KCNIP1: variants seen among roughly 807,000 people sequenced by gnomAD.
KCNIP1 encodes A-type potassium channel modulatory protein KCNIP1.
KCNIP1 carries 18 observed loss-of-function variants against 33.0 expected under a neutral mutation model. The ratio of observed to expected loss-of-function variants is 0.55; its 90% CI spans 0.38 to 0.81. The LOEUF (loss-of-function observed/expected upper bound fraction) is 0.81, where lower values mean the gene tolerates loss of function less well. Among genes scored for constraint, KCNIP1 ranks in the 30% least tolerant of loss-of-function variants. The probability of loss-of-function intolerance (pLI) is 0.00; values close to 1 mark genes in which losing one functional copy is unlikely to be tolerated. For missense variants in KCNIP1, 238 were observed against 271.6 expected, an observed-to-expected ratio of 0.88 and a Z score of 0.87; for synonymous variants, 93 against 98.3, an observed-to-expected ratio of 0.95 and a Z score of 0.32.
chr5:170,543,612 C>T lies in KCNIP1; in HGVS notation c.61+38979C>T, dbSNP rs1318977431. Among the ~76,000 whole-genome samples the T allele has an allele frequency of 4.6e-5, 7 of 152,290 alleles. No homozygotes were observed. The Middle Eastern group carries it at 0.014, about 296-fold the overall frequency. The stretch of plus-strand genomic sequence containing the variant: ...TCACAGCACAATAAATAAAGAGGGT[C>T]ATTTGGGGCAAATATTTCCAAGCTT... On this transcript the variant is annotated intron_variant, in intron 1 of 7. Transcript: ENST00000328939.
intron 1 of KCNIP1, among the ~76,000 whole-genome samples, chr5:170,645,770 T>C (rs1233853294): frequency 6.6e-6 from 1 of 152,152 alleles, no homozygotes; most frequent in Non-Finnish European, 1.5e-5. Flanking sequence ...ATACAATGTC[T>C]GCTCTCAAAG....
At chr5:170,371,077 T>C (rs1219874290) in intron 1 of KCNIP1, among the ~76,000 whole-genome samples, 1 of 151,986 alleles carries the variant, frequency 6.6e-6, no homozygotes, top group Non-Finnish European at 1.5e-5. Flanking sequence ...GGCGGGTGCA[T>C]TTGCTGAGAA....
At chr5:170,424,402 G>A (rs1467130262) in intron 1 of KCNIP1, among the ~76,000 whole-genome samples, 1 of 152,290 alleles carries the variant, frequency 6.6e-6, no homozygotes, top group African/African-American at 2.4e-5. Context: ...AATACAGCCT[G>A]TATGTGAACT....
intron 1 of KCNIP1, among the ~76,000 whole-genome samples, chr5:170,418,421 T>C (rs1447316434): frequency 6.6e-6 from 1 of 152,160 alleles, no homozygotes; most frequent in Non-Finnish European, 1.5e-5. Context: ...AAAGTGAGAC[T>C]CTGTCTCAAA....
In KCNIP1 at chr5:170,517,602, GTGA is replaced by G. The variant is rs772620521; in HGVS notation, c.61+12980_61+12982del. Among the ~76,000 whole-genome samples the G allele has an allele frequency of 8.0e-3, 1,162 of 145,214 alleles. 10 individuals are homozygous for G. The highest frequency in any genetic ancestry group is 0.027 in the African/African-American group (1,058 of 39,856). On this transcript the variant is annotated intron_variant, in intron 1 of 7. Transcript: ENST00000328939. ...GACAATGGTGATGGTGGTAGTGATG[GTGA>G]TGATGATGATAATAGTAATGATGGT...
At chr5:170,655,776 C>T (rs772801717) in intron 1 of KCNIP1, among the ~76,000 whole-genome samples, 4 of 152,182 alleles carry the variant, frequency 2.6e-5, no homozygotes, top group East Asian at 1.9e-4. Context: ...TTCCCCCAAC[C>T]GTAGCAAAGT....
intron 1 of KCNIP1, among the ~76,000 whole-genome samples, chr5:170,633,416 T>C (rs1760140028): frequency 6.6e-6 from 1 of 150,706 alleles, no homozygotes; most frequent in African/African-American, 2.4e-5. Context: ...TGGCTTGGAG[T>C]AAGACCTGAA....
rs563608782 is a variant in KCNIP1 at position 170,459,629 on chromosome 5, T to G, written c.88+105665T>G. Among the ~76,000 whole-genome samples the G allele has an allele frequency of 1.3e-3, 193 of 152,274 alleles. 1 individual carries two copies. The highest frequency in any genetic ancestry group is 4.9e-4 in the Non-Finnish European group (33 of 68,004). On this transcript the variant is annotated intron_variant, in intron 1 of 7. Transcript: ENST00000377360. ...TGAAATCAAAATGCAAATTTAAAAA[T>G]TATTCAAACTGAATGACAGTACTGA...
intron 1 of KCNIP1, chr5:170,482,922 G>C (rs1330413888): frequency 8.7e-6 from 3 of 344,022 alleles, no homozygotes; most frequent in African/African-American, 2.2e-5. Flanking sequence ...TCTGTCCTGA[G>C]AGGTTTTATC....
At chr5:170,596,734 G>A (rs1255209292) in intron 1 of KCNIP1, among the ~76,000 whole-genome samples, 3 of 152,232 alleles carry the variant, frequency 2.0e-5, no homozygotes, top group African/African-American at 7.2e-5. Flanking sequence ...AATCAGTGGG[G>A]TTCTGGGAGG....
chr5:170,600,613 A>C (rs80329612), intron 1 of KCNIP1, among the ~76,000 whole-genome samples: 2 of 152,212 alleles, frequency 1.3e-5, no homozygotes, highest in Non-Finnish European at 2.9e-5. Flanking sequence ...ATTGAAACTG[A>C]TGACTGCCTT....
chr5:170,353,775 C>A (rs17648802), exon 1 of KCNIP1: 95,212 of 1,021,884 alleles, frequency 0.093, 4,905 homozygotes, highest in Non-Finnish European at 0.11. Flanking sequence ...ATCCGTCACT[C>A]AGGGTTCATT....
At chr5:170,663,828 G>A (rs563819932) in intron 1 of KCNIP1, among the ~76,000 whole-genome samples, 10 of 151,990 alleles carry the variant, frequency 6.6e-5, no homozygotes, top group South Asian at 2.1e-4. Context: ...CATGTCTCAC[G>A]GATCTCTGCA....
intron 1 of KCNIP1, among the ~76,000 whole-genome samples, chr5:170,368,366 G>C (rs1763753761): frequency 6.6e-6 from 1 of 152,164 alleles, no homozygotes; most frequent in African/African-American, 2.4e-5. Context: ...CTGGGTTCAA[G>C]TGATTCTTGT....
At chr5:170,447,575 T>A (rs972117435) in intron 1 of KCNIP1, among the ~76,000 whole-genome samples, 2 of 152,094 alleles carry the variant, frequency 1.3e-5, no homozygotes, top group African/African-American at 4.8e-5. Context: ...AGGGGCAGCA[T>A]CCAGAATTCA....
chr5:170,606,027 G>C (rs551742934), intron 1 of KCNIP1, among the ~76,000 whole-genome samples: 1 of 151,998 alleles, frequency 6.6e-6, no homozygotes, highest in African/African-American at 2.4e-5. Flanking sequence ...TGCCCACCTC[G>C]GCCTCTCAAA....
At chr5:170,365,309 C>T (rs1462908302) in intron 1 of KCNIP1, among the ~76,000 whole-genome samples, 1 of 152,168 alleles carries the variant, frequency 6.6e-6, no homozygotes, top group Admixed American at 6.5e-5. Flanking sequence ...TTAAAGGTTC[C>T]AGTTCTGTAT....
At chr5:170,461,449 G>T (rs754418525) in intron 1 of KCNIP1, among the ~76,000 whole-genome samples, 22 of 152,084 alleles carry the variant, frequency 1.4e-4, no homozygotes, top group Non-Finnish European at 2.5e-4. Flanking sequence ...CATGGTACTG[G>T]TATAAAAATA....
chr5:170,447,949 C>G (rs1046709095), intron 1 of KCNIP1, among the ~76,000 whole-genome samples: 5 of 151,734 alleles, frequency 3.3e-5, no homozygotes, highest in African/African-American at 1.2e-4. Context: ...TGACTCCTAC[C>G]CAGTCATCCA....
Sources: gnomAD v4.1 joint callset for allele counts (sites outside exome capture counted in the v4.1 genomes callset) on GRCh38, gnomAD v4.1.1 for gene constraint, MANE v1.5 for transcripts, NCBI Gene and HGNC (gene_info 2026-07-23, HGNC 2026-07-21) for gene names.